ZSCAN1: variants seen among roughly 807,000 people sequenced by gnomAD.
The protein encoded by ZSCAN1 is zinc finger and SCAN domain containing 1, also known as zinc finger and SCAN domain-containing protein 1.
Under a neutral mutation model 23.8 loss-of-function variants are expected in ZSCAN1, and 23 were observed. The observed-to-expected ratio is 0.97, with a 90% CI of 0.70 to 1.37. The LOEUF (loss-of-function observed/expected upper bound fraction) is 1.37, where lower values mean the gene tolerates loss of function less well. Ranked by LOEUF, ZSCAN1 falls within the 40% of genes most tolerant of loss-of-function variation. The pLI is 0.00. For synonymous variants in ZSCAN1, 236 were observed against 232.3 expected, an observed-to-expected ratio of 1.02 and a Z score of -0.15; for missense variants, 575 against 554.0, an observed-to-expected ratio of 1.04 and a Z score of -0.38.
chr19:58,036,396 A>G (rs2073736483), intron 2 of ZSCAN1, among the ~76,000 whole-genome samples: 1 of 152,222 alleles, frequency 6.6e-6, no homozygotes, highest in African/African-American at 2.4e-5. Context: ...TGTTAAAGAC[A>G]AACAAACGAA....
At position 58,040,462 on chromosome 19, in the gene ZSCAN1, T is replaced by C; in HGVS notation, c.383T>C (p.Leu128Pro). ...TTCTCCCGCACAGTTCTGGTATCTC[T>C]GGACTCGGTCGAACCCCAGGACTGG... ...QMCQQEVLVS[L>P]DSVEPQDWSF... is the part of the protein sequence containing the mutation. The change falls in exon 4 of 6, where the codon CTG becomes CCG. Residue 128 changes from leucine to proline, a missense_variant. Coordinates refer to ENST00000282326, the MANE Select transcript of ZSCAN1 (RefSeq NM_182572.4). This position sits in a 1 kb window ranked among gnomAD's most constrained non-coding sequence, Gnocchi z 5.8. 2 of 1,613,626 alleles carry C rather than the reference T, an allele frequency of 1.2e-6. No individual in the cohort carries two copies. Among genetic ancestry groups the C allele is most frequent in the Non-Finnish European group, 1.7e-6 (2 of 1,179,960 alleles).
rs776947238 is a variant in ZSCAN1 at position 58,037,866 on chromosome 19, C to T, written c.30C>T (p.Ser10=). The T allele has an allele frequency of 3.3e-6, 5 of 1,522,428 alleles. No individual in the cohort carries two copies. The highest frequency in any genetic ancestry group is 2.6e-6 in the Non-Finnish European group (3 of 1,137,854). The allele number at this position is 1,522,428 out of a possible 1,614,324, so 94.3% of individuals were successfully genotyped here. Reference sequence around the variant, plus strand: ...TTCCACGGCCCAAAGCCCCTGCCTCCCCCAGACGCCCCCAGACCCCAACCC... The same window carrying T: ...TTCCACGGCCCAAAGCCCCTGCCTCTCCCAGACGCCCCCAGACCCCAACCC... MLPRPKAPA[S]PRRPQTPTPS... is the part of the protein sequence containing the mutation. The change falls in exon 3 of 6, where the codon TCC becomes TCT. Residue 10 remains serine, a synonymous_variant. Transcript: ENST00000282326.
At chr19:58,054,852 T>TA (rs565779438), downstream of ZSCAN1, among the ~76,000 whole-genome samples, 287 of 150,188 alleles carry the variant, frequency 1.9e-3, 2 homozygotes, top group African/African-American at 6.8e-3. The surrounding 1 kb of genome is among the most constrained non-coding windows in gnomAD (Gnocchi z 4.2). Context: ...ACAGAAGGAT[T>TA]TTTTTTTTAG....
At chr19:58,050,542 GA>G in intron 4 of ZSCAN1, among the ~76,000 whole-genome samples, 1 of 152,060 alleles carries the variant, frequency 6.6e-6, no homozygotes, top group Non-Finnish European at 1.5e-5. Flanking sequence ...TTTTGTTTGA[GA>G]CGGCGTCTCG....
In ZSCAN1 at chr19:58,040,578, A is replaced by G. The variant is rs1255788128; in HGVS notation, c.465+34A>G. 2 of 1,603,952 alleles carry G rather than the reference A, an allele frequency of 1.2e-6. No homozygotes were observed. The highest frequency in any genetic ancestry group is 2.7e-5 in the African/African-American group (2 of 74,854). On this transcript the variant is annotated intron_variant, in intron 4 of 5. Transcript: ENST00000282326. This position sits in a 1 kb window ranked among gnomAD's most constrained non-coding sequence, Gnocchi z 5.8. ...GGGGCCCCCAGCTCCGTGCTCCTGC[A>G]CCCCAGGGCATGCGTGCCGCTTCTG...
intron 2 of ZSCAN1, 39 bp from the exon 3 acceptor site, chr19:58,037,689 C>T: frequency 9.8e-7 from 1 of 1,018,546 alleles, no homozygotes; most frequent in Non-Finnish European, 1.4e-6. Flanking sequence ...AGAGGGCCAC[C>T]ATCTGATGTG....
Position 58,045,364 on chromosome 19 carries a change from C to T in ZSCAN1, c.465+4820C>T. The T allele has an allele frequency of 2.4e-6, 2 of 828,400 alleles. No individual in the cohort carries two copies. Among genetic ancestry groups the T allele is most frequent in the Admixed American group, 3.4e-5 (2 of 58,938 alleles). 51.3% of individuals were successfully genotyped at this position (828,400 alleles called of 1,614,324 possible). ...GAGCTTCAGGTCAAGCTGGAGCTAG[C>T]CGAGTTCCTCCAGGACACCATCCAG... On this transcript the variant is annotated intron_variant, in intron 4 of 5. Coordinates refer to ENST00000282326, the MANE Select transcript of ZSCAN1 (RefSeq NM_182572.4). This position sits in a 1 kb window ranked among gnomAD's most constrained non-coding sequence, Gnocchi z 4.3.
intron 2 of ZSCAN1, among the ~76,000 whole-genome samples, chr19:58,036,624 TC>T (rs1368446146): frequency 1.3e-5 from 2 of 150,996 alleles, no homozygotes; most frequent in Non-Finnish European, 2.9e-5. Context: ...CAAGCATTTC[TC>T]CTGTCTCAGC....
chr19:58,040,384 A>G lies in ZSCAN1; in HGVS notation c.371-66A>G, dbSNP rs2073778785. 6.4e-7 allele frequency: 1 copy of G among 1,552,798 alleles called. No individual in the cohort carries two copies. The highest frequency in any genetic ancestry group is 8.9e-7 in the Non-Finnish European group (1 of 1,127,202). ...TTCGGGGAAAGTCTGCCCTCCCCAG[A>G]AGGCCTGGAGAATTGGGGGCTCTGG... is the stretch of plus-strand genomic sequence containing the variant. On this transcript the variant is annotated intron_variant, in intron 3 of 5. Transcript: ENST00000282326. The surrounding 1 kb of genome is among the most constrained non-coding windows in gnomAD (Gnocchi z 5.8).
Position 58,045,700 on chromosome 19 carries a change from T to C in ZSCAN1, c.465+5156T>C. 1 of 965,036 alleles carries C rather than the reference T, an allele frequency of 1.0e-6. No individual in the cohort carries two copies. The highest frequency in any genetic ancestry group is 1.7e-6 in the Non-Finnish European group (1 of 592,230). 59.8% of individuals were successfully genotyped at this position (965,036 alleles called of 1,614,324 possible). ...GAACGTCAAGGAGCTGCAGGCGGCA[T>C]GTCGGGCACGAGGCATGCGGGCCCT... On this transcript the variant is annotated intron_variant, in intron 4 of 5. Transcript: ENST00000282326. The surrounding 1 kb of genome is among the most constrained non-coding windows in gnomAD (Gnocchi z 4.3).
chr19:58,055,676 G>A (rs2073886084), downstream of ZSCAN1, among the ~76,000 whole-genome samples: 2 of 152,112 alleles, frequency 1.3e-5, no homozygotes, highest in South Asian at 4.1e-4. Flanking sequence ...TAGCTCTCCC[G>A]AGTGCCCCCA....
Position 58,038,115 on chromosome 19 carries a change from G to C in ZSCAN1, c.279G>C (p.Lys93Asn). 6.2e-7 allele frequency: 1 copy of C among 1,610,888 alleles called. No homozygotes were observed. Among genetic ancestry groups the C allele is most frequent in the Non-Finnish European group, 8.5e-7 (1 of 1,179,762 alleles). Residue 93 changes from lysine (K) to asparagine (N), a missense_variant, in exon 3 of 6, where the codon AAG becomes AAC. By Grantham distance (94) the Lys-to-Asn change is moderately conservative. Coordinates refer to ENST00000282326, the MANE Select transcript of ZSCAN1 (RefSeq NM_182572.4). Reference sequence around the variant, plus strand: ...AGTTCCTGGGCGCGCTGCCCAGCAAGATGCGGACCTGGGTGCAGTCACAGG... The same window carrying C: ...AGTTCCTGGGCGCGCTGCCCAGCAACATGCGGACCTGGGTGCAGTCACAGG... ...LEQFLGALPS[K>N]MRTWVQSQGP...
chr19:58,045,619 C>G lies in ZSCAN1; in HGVS notation c.465+5075C>G, dbSNP rs1568604192. On this transcript the variant is annotated intron_variant, in intron 4 of 5. Coordinates refer to ENST00000282326, the MANE Select transcript of ZSCAN1 (RefSeq NM_182572.4). The surrounding 1 kb of genome is among the most constrained non-coding windows in gnomAD (Gnocchi z 4.3). ...CCTGCGCTTCCAGCTCACGATGCGG[C>G]TGCGCTCCATAAAGGCAGAGGACAA... The G allele has an allele frequency of 4.1e-6, 4 of 969,306 alleles. No individual in the cohort carries two copies. The Admixed American group carries it at 5.1e-5, about 12-fold the overall frequency. 60.0% of individuals were successfully genotyped at this position (969,306 alleles called of 1,614,324 possible).
rs2073844222 is a variant in ZSCAN1 at position 58,049,293 on chromosome 19, C to G, written c.466-3197C>G. On this transcript the variant is annotated intron_variant, in intron 4 of 5. Transcript: ENST00000282326. The surrounding 1 kb of genome is among the most constrained non-coding windows in gnomAD (Gnocchi z 4.5). ...CACAGATACAAATCCCCTTGATCTT[C>G]CAGTAACTGTTTTAACTGTGCAATC... The G allele has an allele frequency of 6.6e-6, 1 of 152,336 alleles. No individual in the cohort carries two copies. Among genetic ancestry groups the G allele is most frequent in the Non-Finnish European group, 1.5e-5 (1 of 68,108 alleles). 9.4% of individuals were successfully genotyped at this position (152,336 alleles called of 1,614,324 possible).
In ZSCAN1 at chr19:58,052,517, G is replaced by A; in HGVS notation, c.493G>A (p.Ala165Thr). 1.2e-6 allele frequency: 2 copies of A among 1,614,146 alleles called. No homozygotes were observed. Among genetic ancestry groups the A allele is most frequent in the South Asian group, 2.2e-5 (2 of 91,088 alleles). The change falls in exon 5 of 6, where the codon GCA becomes ACA. Residue 165 changes from alanine to threonine, a missense_variant. Ala to Thr is a moderately conservative substitution (Grantham distance 58). Transcript: ENST00000282326. ...GTCTGAGCTGATTCTGGATGCAGTG[G>A]CAGCAGCCCCAGCACTCCCCGAGGA... ...QASELILDAV[A>T]AAPALPEESE...
intron 4 of ZSCAN1, among the ~76,000 whole-genome samples, chr19:58,042,374 C>T (rs1434786548): frequency 6.6e-6 from 1 of 151,970 alleles, no homozygotes; most frequent in Non-Finnish European, 1.5e-5. Flanking sequence ...TCTCCTGCCT[C>T]AGCCTCCGGA....
rs2073784589 is a variant in ZSCAN1 at position 58,040,946 on chromosome 19, G to A, written c.465+402G>A. On this transcript the variant is annotated intron_variant, in intron 4 of 5. Transcript: ENST00000282326. This position sits in a 1 kb window ranked among gnomAD's most constrained non-coding sequence, Gnocchi z 5.8. ...AGAAGGAAATGCTGAGGGCTCCCCT[G>A]CAGCTAGACCTGCTGTTGCGCAGGC... Among the ~76,000 whole-genome samples the A allele has an allele frequency of 6.6e-6, 1 of 152,186 alleles. No homozygotes were observed. The highest frequency in any genetic ancestry group is 1.5e-5 in the Non-Finnish European group (1 of 68,044).
intron 1 of ZSCAN1, among the ~76,000 whole-genome samples, chr19:58,034,592 C>T (rs1027854821): frequency 3.3e-5 from 5 of 151,548 alleles, no homozygotes; most frequent in Non-Finnish European, 5.9e-5. Context: ...TGAACAGCCG[C>T]CCCCGGACCC....
rs202214916 is a variant in ZSCAN1, at chr19:58,052,647, T to A, written c.604+19T>A. 27 of 1,573,616 alleles carry A rather than the reference T, an allele frequency of 1.7e-5. No individual in the cohort carries two copies. In the African/African-American group the frequency reaches 3.5e-4, roughly 21 times the overall value. Reference sequence around the variant, plus strand: ...TTGCTGGGTGAGTCTGGCTCCTGTGTGGATTAAGGGTTGGAAATGGAGTTT... The same window carrying A: ...TTGCTGGGTGAGTCTGGCTCCTGTGAGGATTAAGGGTTGGAAATGGAGTTT... On this transcript the variant is annotated intron_variant, in intron 5 of 5. Transcript: ENST00000282326.
Sources: allele counts gnomAD v4.1 joint callset (sites outside exome capture counted in the v4.1 genomes callset), GRCh38; gene constraint gnomAD v4.1.1; non-coding constraint Gnocchi (gnomAD v3.1); transcripts MANE v1.5; gene names NCBI Gene and HGNC (gene_info 2026-07-23, HGNC 2026-07-21).